CFAP36: variants seen among roughly 807,000 people sequenced by gnomAD.
The protein encoded by CFAP36 is cilia and flagella associated protein 36, also known as cilia- and flagella-associated protein 36.
Under a neutral mutation model 50.5 loss-of-function variants are expected in CFAP36, and 37 were observed. That is an observed-to-expected ratio of 0.73 (90% CI 0.56 to 0.96). CFAP36 has a LOEUF of 0.96. Among genes scored for constraint, CFAP36 ranks in the 50% least tolerant of loss-of-function variants. The pLI is 0.00. For synonymous variants in CFAP36, 138 were observed against 128.2 expected (o/e 1.08, Z -0.52); for missense variants, 407 against 396.2 (o/e 1.03, Z -0.23).
intron 3 of CFAP36, among the ~76,000 whole-genome samples, chr2:55,526,728 C>G (rs1366664078): frequency 6.6e-6 from 1 of 152,086 alleles, no homozygotes; most frequent in African/African-American, 2.4e-5. Flanking sequence ...CAGGTGTGAG[C>G]CACTACATTT....
At chr2:55,523,248 CAA>C (rs34360176) in intron 2 of CFAP36, among the ~76,000 whole-genome samples, 460 of 140,310 alleles carry the variant, frequency 3.3e-3, no homozygotes, top group Middle Eastern at 3.8e-3. Context: ...CCATCTCTAC[CAA>C]AAAAAAAAAA....
chr2:55,536,426 C>T (rs556136952), intron 6 of CFAP36, among the ~76,000 whole-genome samples: 213 of 151,796 alleles, frequency 1.4e-3, no homozygotes, highest in African/African-American at 5.0e-3. Flanking sequence ...CCACCATGCC[C>T]GGCCAGAACA....
At position 55,544,286 on chromosome 2, in the gene CFAP36, A is replaced by C; in HGVS notation, c.844A>C (p.Lys282Gln). The stretch of plus-strand genomic sequence containing the variant: ...ACACTATCTCAAGCAGAAGAGAGAT[A>C]AGTTGATGTCCATGAGAAAGGATAT... ...REHYLKQKRD[K>Q]LMSMRKDMRT... The change falls in exon 9 of 10, where the codon AAG becomes CAG. Residue 282 changes from lysine to glutamine, a missense_variant. By Grantham distance (53) the Lys-to-Gln change is moderately conservative. Transcript: ENST00000349456. 6.2e-7 allele frequency: 1 copy of C among 1,614,046 alleles called. No individual in the cohort carries two copies. The highest frequency in any genetic ancestry group is 8.5e-7 in the Non-Finnish European group (1 of 1,179,952).
At chr2:55,525,309 T>G (rs1312972666) in intron 3 of CFAP36, among the ~76,000 whole-genome samples, 2 of 151,996 alleles carry the variant, frequency 1.3e-5, no homozygotes, top group Admixed American at 1.3e-4. Context: ...AAAGTTAGCT[T>G]GTTGTAGGTT....
intron 6 of CFAP36, among the ~76,000 whole-genome samples, chr2:55,536,186 G>C (rs1308481740): frequency 6.7e-6 from 1 of 150,080 alleles, no homozygotes; most frequent in East Asian, 1.9e-4. Context: ...AGGCTGGAGT[G>C]CAGTGGTGTG....
Position 55,528,868 on chromosome 2 carries a change from C to A in CFAP36, c.283-10C>A, listed in dbSNP as rs372643407. On this transcript the variant is annotated splice_polypyrimidine_tract_variant and intron_variant, in intron 3 of 9. Transcript: ENST00000349456. ...TGAATCTTCATTTCACTTGAGACTT[C>A]TTTCCACAGGCCATTTTGCAACCTG... 5 of 1,561,834 alleles carry A rather than the reference C, an allele frequency of 3.2e-6. No individual in the cohort carries two copies. The highest frequency in any genetic ancestry group is 4.4e-6 in the Non-Finnish European group (5 of 1,144,520).
chr2:55,537,827 A>G (rs1299026001), intron 7 of CFAP36, among the ~76,000 whole-genome samples: 3 of 152,064 alleles, frequency 2.0e-5, no homozygotes, highest in Non-Finnish European at 4.4e-5. Flanking sequence ...AGAGAGCAAA[A>G]CTCCTTGAGG....
At chr2:55,523,958 C>A in intron 3 of CFAP36, 136 bp downstream of exon 3, 1 of 532,526 alleles carries the variant, frequency 1.9e-6, no homozygotes, top group Non-Finnish European at 3.2e-6. Flanking sequence ...TAATTCATCA[C>A]ATATGAGTTC....
Position 55,544,878 on chromosome 2 carries a change from C to T in CFAP36, c.928-29C>T, listed in dbSNP as rs369847412. ...TTTAGACAAATTACCCTATTTCATA[C>T]TGTAGCCAATTTTTTCTTTTTTTTT... On this transcript the variant is annotated intron_variant, in intron 9 of 9. Transcript: ENST00000349456. 12 of 1,466,608 alleles carry T rather than the reference C, an allele frequency of 8.2e-6. No individual in the cohort carries two copies. In the Admixed American group the frequency reaches 8.3e-5, roughly 10 times the overall value. 90.8% of individuals were successfully genotyped at this position (1,466,608 alleles called of 1,614,324 possible).
intron 6 of CFAP36, 70 bp from the exon 7 acceptor site, chr2:55,537,413 A>T: frequency 1.0e-6 from 1 of 987,854 alleles, no homozygotes; most frequent in Non-Finnish European, 1.5e-6. Flanking sequence ...TGGATCCTTT[A>T]GGTAGTGAAT....
intron 3 of CFAP36, among the ~76,000 whole-genome samples, chr2:55,524,738 T>C (rs1684157848): frequency 6.6e-6 from 1 of 151,786 alleles, no homozygotes; most frequent in African/African-American, 2.4e-5. Flanking sequence ...TCCCAGTACT[T>C]TGGGAGGCCG....
At chr2:55,530,607 C>A (rs1684329911) in intron 4 of CFAP36, among the ~76,000 whole-genome samples, 1 of 152,176 alleles carries the variant, frequency 6.6e-6, no homozygotes, top group Non-Finnish European at 1.5e-5. Context: ...TGCTCTTGTT[C>A]CCTTCTTGTG....
At chr2:55,522,823 C>T (rs1438995257) in intron 2 of CFAP36, among the ~76,000 whole-genome samples, 1 of 152,138 alleles carries the variant, frequency 6.6e-6, no homozygotes, top group Non-Finnish European at 1.5e-5. Context: ...CAGTGGGGCT[C>T]AGTGGCTCAC....
chr2:55,539,061 T>C (rs1165451859), intron 7 of CFAP36: 5 of 495,258 alleles, frequency 1.0e-5, no homozygotes, highest in Non-Finnish European at 1.2e-5. Context: ...TCTCCCATTA[T>C]CGACCCCCTC....
chr2:55,538,720 G>C (rs1684557476), intron 7 of CFAP36: 2 of 1,483,818 alleles, frequency 1.3e-6, no homozygotes, highest in South Asian at 1.3e-5. Flanking sequence ...TAGGATTATA[G>C]GCATGAGCCA....
At chr2:55,538,782 G>A (rs1684559866) in intron 7 of CFAP36, 1 of 1,545,742 alleles carries the variant, frequency 6.5e-7, no homozygotes. Context: ...AGGAAGCTGA[G>A]CGACTTGTCC....
chr2:55,543,867 G>A, intron 7 of CFAP36, 71 bp from the exon 8 acceptor site: 2 of 1,431,316 alleles, frequency 1.4e-6, no homozygotes, highest in Non-Finnish European at 1.9e-6. Flanking sequence ...GCTCATTTCG[G>A]TAAACCTAGC....
chr2:55,534,057 C>A, intron 5 of CFAP36, 97 bp downstream of exon 5: 1 of 569,378 alleles, frequency 1.8e-6, no homozygotes, highest in Non-Finnish European at 3.0e-6. Flanking sequence ...AATAAAATTG[C>A]TAAATTCTCT....
chr2:55,531,206 C>A (rs1413724868), intron 4 of CFAP36: 1 of 152,160 alleles, frequency 6.6e-6, no homozygotes, highest in Non-Finnish European at 1.5e-5. Flanking sequence ...TCTATAAAAT[C>A]CTTGCCTCTG....
Sources: allele counts gnomAD v4.1 joint callset (sites outside exome capture counted in the v4.1 genomes callset), GRCh38; gene constraint gnomAD v4.1.1; transcripts MANE v1.5; gene names NCBI Gene and HGNC (gene_info 2026-07-23, HGNC 2026-07-21).